Variants in PDE11A observed in about 807,000 individuals in gnomAD.
The protein encoded by PDE11A is phosphodiesterase 11A, also known as dual 3',5'-cyclic-AMP and -GMP phosphodiesterase 11A.
PDE11A carries 100 observed loss-of-function variants against 100.5 expected under a neutral mutation model. That is an observed-to-expected ratio of 1.00 (90% CI 0.85 to 1.18). PDE11A has a LOEUF of 1.18. PDE11A is among the 50% of genes most tolerant of loss of function. The pLI is 0.00. For synonymous variants in PDE11A, 381 were observed against 420.8 expected (o/e 0.91, Z 1.16); for missense variants, 1,141 against 1,152.6 (o/e 0.99, Z 0.15).
At chr2:177,716,248 A>T (rs764283371) in intron 12 of PDE11A, among the ~76,000 whole-genome samples, 11 of 152,158 alleles carry the variant, frequency 7.2e-5, no homozygotes, top group Non-Finnish European at 1.5e-4. Context: ...CCAGCTACAG[A>T]GAGGGGATGG....
At chr2:177,682,260 G>T (rs569519891) in intron 15 of PDE11A, among the ~76,000 whole-genome samples, 1 of 152,086 alleles carries the variant, frequency 6.6e-6, no homozygotes, top group Non-Finnish European at 1.5e-5. Flanking sequence ...AAGATGTTCC[G>T]CCTTTCCTGA....
intron 6 of PDE11A, among the ~76,000 whole-genome samples, chr2:177,822,116 A>T (rs1295305223): frequency 1.3e-5 from 2 of 151,946 alleles, no homozygotes; most frequent in African/African-American, 4.8e-5. Flanking sequence ...TCAATTTTTA[A>T]ATTTATGGTC....
At chr2:177,829,965 G>C (rs1242395324) in intron 6 of PDE11A, among the ~76,000 whole-genome samples, 2 of 152,124 alleles carry the variant, frequency 1.3e-5, no homozygotes, top group African/African-American at 4.8e-5. Flanking sequence ...CCGGACATGA[G>C]GTAAGCTTCT....
At chr2:177,877,072 G>C (rs916247341) in intron 4 of PDE11A, among the ~76,000 whole-genome samples, 1 of 147,600 alleles carries the variant, frequency 6.8e-6, no homozygotes, top group African/African-American at 2.6e-5. Flanking sequence ...AATTAAATGA[G>C]CCCAAAGAAC....
At chr2:177,971,378 C>G (rs1304515229) in intron 2 of PDE11A, among the ~76,000 whole-genome samples, 2 of 152,110 alleles carry the variant, frequency 1.3e-5, no homozygotes, top group African/African-American at 4.8e-5. Context: ...CTCATGAGGG[C>G]TAAGTGACTT....
intron 19 of PDE11A, among the ~76,000 whole-genome samples, chr2:177,645,412 G>C (rs557385958): frequency 5.1e-4 from 78 of 152,222 alleles, no homozygotes; most frequent in African/African-American, 1.8e-3. Context: ...GGCCAGGCTG[G>C]CCATGAACTC....
intron 1 of PDE11A, among the ~76,000 whole-genome samples, chr2:178,041,747 T>A (rs7591800): frequency 0.17 from 25,118 of 152,136 alleles, 2,288 homozygotes; most frequent in Middle Eastern, 0.28. Flanking sequence ...TGCCAAGGCA[T>A]CGAAAGCACT....
chr2:178,088,445 T>C (rs1170610280), intron 2 of PDE11A, among the ~76,000 whole-genome samples: 5 of 152,220 alleles, frequency 3.3e-5, no homozygotes, highest in Non-Finnish European at 5.9e-5. Flanking sequence ...GAGGTTTACA[T>C]CTGGGAAGTA....
intron 1 of PDE11A, among the ~76,000 whole-genome samples, chr2:178,041,972 T>C (rs2086688241): frequency 1.3e-5 from 2 of 152,244 alleles, no homozygotes; most frequent in Non-Finnish European, 2.9e-5. Flanking sequence ...AGTAATTTTC[T>C]CACAGAAAAG....
At chr2:177,745,846 G>C (rs1344480066) in intron 10 of PDE11A, among the ~76,000 whole-genome samples, 1 of 152,212 alleles carries the variant, frequency 6.6e-6, no homozygotes, top group Admixed American at 6.5e-5. Flanking sequence ...CCTGAGAGGT[G>C]GGGATGGTAT....
At chr2:177,884,947 A>G (rs930088606) in intron 4 of PDE11A, among the ~76,000 whole-genome samples, 3 of 152,188 alleles carry the variant, frequency 2.0e-5, no homozygotes, top group African/African-American at 7.2e-5. Flanking sequence ...TGAGTTACTT[A>G]CTAAATGGTG....
At chr2:178,016,351 C>G (rs921386374) in intron 1 of PDE11A, among the ~76,000 whole-genome samples, 2 of 151,912 alleles carry the variant, frequency 1.3e-5, no homozygotes, top group African/African-American at 4.8e-5. Flanking sequence ...CACTAAACCC[C>G]AGAGAGAGGA....
chr2:177,896,089 A>G (rs139819649), intron 4 of PDE11A, among the ~76,000 whole-genome samples: 4 of 152,298 alleles, frequency 2.6e-5, no homozygotes, highest in African/African-American at 9.6e-5. Context: ...TTCTGCCCCA[A>G]CATTAGTCTT....
chr2:177,656,797 T>C (rs976061195), intron 19 of PDE11A, among the ~76,000 whole-genome samples: 3 of 152,182 alleles, frequency 2.0e-5, no homozygotes, highest in African/African-American at 7.2e-5. Flanking sequence ...CTTGGGCTGG[T>C]GTCTTCCAGG....
intron 2 of PDE11A, among the ~76,000 whole-genome samples, chr2:177,906,599 A>G (rs72948880): frequency 0.011 from 1,637 of 152,250 alleles, 11 homozygotes; most frequent in Non-Finnish European, 0.017. Context: ...GAAGACATAC[A>G]AAAATCAATG....
At chr2:177,853,999 T>G (rs1206343005) in intron 5 of PDE11A, among the ~76,000 whole-genome samples, 2 of 150,840 alleles carry the variant, frequency 1.3e-5, no homozygotes, top group African/African-American at 4.9e-5. Flanking sequence ...GGGAGCAGAT[T>G]CAATTTGTTA....
intron 3 of PDE11A, chr2:177,899,637 AAT>A (rs3037901): frequency 0.021 from 4,308 of 208,678 alleles, 52 homozygotes; most frequent in Middle Eastern, 0.046. Context: ...CAGATTCTTA[AAT>A]ATATATATAT....
chr2:177,909,405 G>A (rs534887643), intron 2 of PDE11A, among the ~76,000 whole-genome samples: 1 of 152,086 alleles, frequency 6.6e-6, no homozygotes, highest in Non-Finnish European at 1.5e-5. Flanking sequence ...AGAGCCGCCC[G>A]ACTGCCTTCT....
intron 5 of PDE11A, among the ~76,000 whole-genome samples, chr2:177,843,087 TTA>T (rs1433270998): frequency 6.6e-6 from 1 of 152,094 alleles, no homozygotes; most frequent in East Asian, 1.9e-4. Context: ...AAACTGAAAT[TTA>T]TTGCCATCTA....
Sources: allele counts gnomAD v4.1 joint callset (sites outside exome capture counted in the v4.1 genomes callset), GRCh38; gene constraint gnomAD v4.1.1; transcripts MANE v1.5; gene names NCBI Gene and HGNC (gene_info 2026-07-23, HGNC 2026-07-21).